CSNK1G3: variants seen among roughly 807,000 people sequenced by gnomAD.
CSNK1G3 encodes the protein casein kinase 1 gamma 3, also known as casein kinase I isoform gamma-3.
Under a neutral mutation model 64.3 loss-of-function variants are expected in CSNK1G3, and 23 were observed. The ratio of observed to expected loss-of-function variants is 0.36; its 90% CI spans 0.26 to 0.51. The LOEUF is 0.51. Among genes scored for constraint, CSNK1G3 ranks in the 20% least tolerant of loss-of-function variants. The probability of loss-of-function intolerance (pLI) is 0.96; values close to 1 mark genes in which losing one functional copy is unlikely to be tolerated. For missense variants in CSNK1G3, 357 were observed against 510.5 expected (o/e 0.70, Z 2.90); for synonymous variants, 158 against 162.2 (o/e 0.97, Z 0.20).
rs111328424 is a variant in CSNK1G3, at chr5:123,583,660, G to A, written c.674-4408G>A. 2.3e-3 allele frequency among the ~76,000 whole-genome samples: 343 copies of A among 151,958 alleles called. 2 individuals carry two copies. Among genetic ancestry groups the A allele is most frequent in the African/African-American group, 7.6e-3 (316 of 41,492 alleles). On this transcript the variant is annotated intron_variant, in intron 6 of 12. Transcript: ENST00000345990. ...ATTACAGGCGTGAGCCACCGCGCCCGGCCCAGAAATCCAGTTGATTTTTAT... is the reference window on the plus strand; with the variant it reads ...ATTACAGGCGTGAGCCACCGCGCCCAGCCCAGAAATCCAGTTGATTTTTAT...
At chr5:123,526,871 T>C (rs1359373050) in intron 1 of CSNK1G3, among the ~76,000 whole-genome samples, 1 of 128,882 alleles carries the variant, frequency 7.8e-6, no homozygotes, top group Non-Finnish European at 1.7e-5. Context: ...TGTGTGTGTG[T>C]GTGTGTGTGT....
intron 2 of CSNK1G3, among the ~76,000 whole-genome samples, chr5:123,549,044 A>C (rs574502563): frequency 1.2e-4 from 18 of 152,332 alleles, no homozygotes; most frequent in African/African-American, 4.3e-4. Context: ...AGGAAAATTC[A>C]AAGTATGATT....
intron 6 of CSNK1G3, among the ~76,000 whole-genome samples, chr5:123,579,101 A>G (rs1410214473): frequency 6.6e-6 from 1 of 151,828 alleles, no homozygotes; most frequent in African/African-American, 2.4e-5. Context: ...CCAACTTTCA[A>G]ATCCTGATCT....
chr5:123,539,394 T>C (rs950876785), intron 1 of CSNK1G3, among the ~76,000 whole-genome samples: 14 of 149,824 alleles, frequency 9.3e-5, no homozygotes, highest in African/African-American at 3.5e-4. Context: ...TGCAGTGAGC[T>C]GTGATTGTGT....
intron 6 of CSNK1G3, among the ~76,000 whole-genome samples, chr5:123,583,418 T>C (rs1334495398): frequency 1.3e-5 from 2 of 151,240 alleles, no homozygotes; most frequent in African/African-American, 4.9e-5. Flanking sequence ...TGGAGTGCAA[T>C]GGCGCGATCT....
chr5:123,543,393 C>T (rs917633147), intron 1 of CSNK1G3, among the ~76,000 whole-genome samples: 3 of 152,126 alleles, frequency 2.0e-5, no homozygotes, highest in Non-Finnish European at 4.4e-5. Context: ...TTCTGTGCAG[C>T]TTCTAGTGTC....
chr5:123,581,533 A>C (rs1790279249), intron 6 of CSNK1G3, among the ~76,000 whole-genome samples: 1 of 151,680 alleles, frequency 6.6e-6, no homozygotes, highest in Non-Finnish European at 1.5e-5. Context: ...ACTAGATTTC[A>C]AGAGAACTTT....
At chr5:123,514,412 G>T (rs1244892980) in intron 1 of CSNK1G3, among the ~76,000 whole-genome samples, 1 of 152,148 alleles carries the variant, frequency 6.6e-6, no homozygotes, top group African/African-American at 2.4e-5. Flanking sequence ...ATAAAGGACT[G>T]GAATTAGTGG....
At chr5:123,585,463 T>G (rs974829697) in intron 6 of CSNK1G3, among the ~76,000 whole-genome samples, 2 of 152,146 alleles carry the variant, frequency 1.3e-5, no homozygotes, top group African/African-American at 4.8e-5. Flanking sequence ...AAAAAACCCC[T>G]GATAAATTGG....
At chr5:123,545,764 C>T in exon 2 of CSNK1G3, 1 of 1,613,694 alleles carries the variant, frequency 6.2e-7, no homozygotes, top group Non-Finnish European at 8.5e-7. Flanking sequence ...TCTTCATCGT[C>T]TGGAGTTTTA....
At chr5:123,522,393 C>A (rs1454989784) in intron 1 of CSNK1G3, among the ~76,000 whole-genome samples, 1 of 151,886 alleles carries the variant, frequency 6.6e-6, no homozygotes, top group Non-Finnish European at 1.5e-5. Context: ...GTCCCAGCTA[C>A]TTGGGAGACT....
intron 6 of CSNK1G3, among the ~76,000 whole-genome samples, chr5:123,583,423 C>T (rs1382152469): frequency 2.6e-5 from 4 of 151,004 alleles, no homozygotes; most frequent in East Asian, 1.9e-4. Context: ...TGCAATGGCG[C>T]GATCTTGGCT....
chr5:123,525,218 G>T, intron 1 of CSNK1G3, among the ~76,000 whole-genome samples: 1 of 147,398 alleles, frequency 6.8e-6, no homozygotes, highest in South Asian at 2.1e-4. Context: ...GATTGTTTCT[G>T]TCTTTTTTTT....
chr5:123,590,440 G>A, exon 9 of CSNK1G3: 1 of 1,497,302 alleles, frequency 6.7e-7, no homozygotes, highest in Non-Finnish European at 8.9e-7. Context: ...CGTTATGTAA[G>A]AAGGCTAGAT....
chr5:123,569,388 A>G (rs1787617907), intron 4 of CSNK1G3, among the ~76,000 whole-genome samples: 1 of 152,200 alleles, frequency 6.6e-6, no homozygotes, highest in African/African-American at 2.4e-5. Flanking sequence ...GTCAGTTACA[A>G]TGTAGAGTAT....
At chr5:123,519,492 A>T (rs146842401) in intron 1 of CSNK1G3, among the ~76,000 whole-genome samples, 1 of 152,092 alleles carries the variant, frequency 6.6e-6, no homozygotes, top group African/African-American at 2.4e-5. Flanking sequence ...TTACATTAAA[A>T]TTTTTTCCTA....
exon 13 of CSNK1G3, chr5:123,614,452 G>T (rs370454717): frequency 3.9e-6 from 6 of 1,523,238 alleles, no homozygotes; most frequent in Non-Finnish European, 5.4e-6. Flanking sequence ...GCTGTCTTGT[G>T]ATTAAAATCA....
At chr5:123,528,593 T>G (rs1162745905) in intron 1 of CSNK1G3, among the ~76,000 whole-genome samples, 1 of 152,156 alleles carries the variant, frequency 6.6e-6, no homozygotes, top group African/African-American at 2.4e-5. Context: ...AGAGGTTTGA[T>G]CAATTTCAAT....
At chr5:123,528,856 C>T (rs554319917) in intron 1 of CSNK1G3, among the ~76,000 whole-genome samples, 2 of 152,090 alleles carry the variant, frequency 1.3e-5, no homozygotes, top group South Asian at 4.1e-4. Flanking sequence ...TATTTGTAAC[C>T]CTAAACTCAG....
Sources: allele counts gnomAD v4.1 joint callset (sites outside exome capture counted in the v4.1 genomes callset), GRCh38; gene constraint gnomAD v4.1.1; transcripts MANE v1.5; gene names NCBI Gene and HGNC (gene_info 2026-07-23, HGNC 2026-07-21).